ANO3: variants seen among roughly 807,000 people sequenced by gnomAD.
ANO3 encodes anoctamin-3.
ANO3 carries 99 observed loss-of-function variants against 144.8 expected under a neutral mutation model. The observed-to-expected ratio is 0.68, with a 90% CI of 0.58 to 0.81. ANO3 has a LOEUF of 0.81. Among genes scored for constraint, ANO3 ranks in the 30% least tolerant of loss-of-function variants. The pLI, the probability that ANO3 is intolerant of heterozygous loss-of-function variation, is 0.00. For synonymous variants in ANO3, 414 were observed against 392.6 expected, an observed-to-expected ratio of 1.05 and a Z score of -0.64; for missense variants, 905 against 1,202.2, an observed-to-expected ratio of 0.75 and a Z score of 3.66.
At chr11:26,538,468 T>TA (rs1360598651) in intron 10 of ANO3, among the ~76,000 whole-genome samples, 1 of 152,162 alleles carries the variant, frequency 6.6e-6, no homozygotes, top group Non-Finnish European at 1.5e-5. Flanking sequence ...GGGTAAATCT[T>TA]ATTATTCTTA....
chr11:26,629,932 A>C (rs1852722693), intron 18 of ANO3, among the ~76,000 whole-genome samples: 1 of 152,206 alleles, frequency 6.6e-6, no homozygotes, highest in African/African-American at 2.4e-5. Context: ...CACCAGGCCT[A>C]AATCTGCTAT....
intron 3 of ANO3, among the ~76,000 whole-genome samples, chr11:26,453,315 GTGC>G (rs1369791619): frequency 2.0e-5 from 3 of 151,174 alleles, no homozygotes; most frequent in Non-Finnish European, 4.5e-5. Flanking sequence ...ACCCATCAGT[GTGC>G]TGTATTCAGG....
chr11:26,293,398 C>T (rs1470474016), intron 1 of ANO3, among the ~76,000 whole-genome samples: 1 of 150,894 alleles, frequency 6.6e-6, no homozygotes, highest in Non-Finnish European at 1.5e-5. Context: ...CATTTTTTCT[C>T]CCAACTTACT....
chr11:26,235,909 A>G (rs1852511743), intron 1 of ANO3, among the ~76,000 whole-genome samples: 1 of 152,086 alleles, frequency 6.6e-6, no homozygotes, highest in African/African-American at 2.4e-5. Context: ...TTTCCCCTTG[A>G]TCTCACACAT....
At chr11:26,266,343 A>C (rs1452041467) in intron 1 of ANO3, among the ~76,000 whole-genome samples, 1 of 152,158 alleles carries the variant, frequency 6.6e-6, no homozygotes, top group African/African-American at 2.4e-5. Flanking sequence ...TTTATTGGGC[A>C]CCTATTATAT....
chr11:26,373,495 T>C (rs978780006), intron 1 of ANO3, among the ~76,000 whole-genome samples: 1 of 152,200 alleles, frequency 6.6e-6, no homozygotes. Context: ...TCAATTAAAC[T>C]GCTTTTCTTT....
chr11:26,340,925 C>T (rs1855340331), intron 1 of ANO3, among the ~76,000 whole-genome samples: 1 of 152,114 alleles, frequency 6.6e-6, no homozygotes, highest in Non-Finnish European at 1.5e-5. Flanking sequence ...AGTTATTAGA[C>T]TTGTAGGGGA....
Position 26,252,686 on chromosome 11 carries a change from A to G in ANO3, c.155-56959A>G, listed in dbSNP as rs547406377. ...CCCCAACATAAACTCCTACTTATACATATGAGTATGGACTGGACAGACCTA... is the reference window on the plus strand; with the variant it reads ...CCCCAACATAAACTCCTACTTATACGTATGAGTATGGACTGGACAGACCTA... On this transcript the variant is annotated intron_variant, in intron 1 of 27. Transcript: ENST00000672621. 4.6e-5 allele frequency among the ~76,000 whole-genome samples: 7 copies of G among 152,324 alleles called. 1 individual carries two copies. The highest frequency in any genetic ancestry group is 4.6e-4 in the Admixed American group (7 of 15,290).
intron 1 of ANO3, among the ~76,000 whole-genome samples, chr11:26,376,780 T>C (rs1856423853): frequency 6.6e-6 from 1 of 152,200 alleles, no homozygotes; most frequent in Non-Finnish European, 1.5e-5. Flanking sequence ...TGTACTTTAT[T>C]TAACTCCAAA....
Position 26,656,491 on chromosome 11 carries a change from A to C in ANO3, c.2763+10A>C. The stretch of plus-strand genomic sequence containing the variant: ...CATTATTGTGTTTGAGGTTAGTCAC[A>C]AGCTGAGATGAAAATTACTATAGAT... On this transcript the variant is annotated intron_variant, in intron 26 of 26. Transcript: ENST00000256737. 1 of 1,516,072 alleles carries C rather than the reference A, an allele frequency of 6.6e-7. No homozygotes were observed. The highest frequency in any genetic ancestry group is 9.2e-7 in the Non-Finnish European group (1 of 1,092,784). 93.9% of individuals were successfully genotyped at this position (1,516,072 alleles called of 1,614,324 possible). A position where few individuals can be genotyped will look rare whatever the true frequency, so the allele number is the denominator to read the frequency against.
chr11:26,405,966 T>C (rs1009097659), intron 1 of ANO3, among the ~76,000 whole-genome samples: 2 of 151,890 alleles, frequency 1.3e-5, no homozygotes. Flanking sequence ...TCCAGTGGTA[T>C]TTTTACATTT....
intron 1 of ANO3, among the ~76,000 whole-genome samples, chr11:26,265,269 T>C (rs1460393518): frequency 6.6e-5 from 10 of 152,196 alleles, no homozygotes; most frequent in Non-Finnish European, 1.3e-4. Flanking sequence ...TTCTTTGTCC[T>C]TCTTTAGCAG....
intron 1 of ANO3, among the ~76,000 whole-genome samples, chr11:26,246,102 G>T (rs1367118007): frequency 6.6e-6 from 1 of 152,118 alleles, no homozygotes; most frequent in Non-Finnish European, 1.5e-5. Context: ...GATTGGAGAG[G>T]GGGAAGGTAA....
At chr11:26,614,595 G>A (rs1852195222) in intron 17 of ANO3, among the ~76,000 whole-genome samples, 1 of 152,174 alleles carries the variant, frequency 6.6e-6, no homozygotes, top group Admixed American at 6.5e-5. Flanking sequence ...CAATGGAGTT[G>A]CACGGACCTC....
At chr11:26,551,236 G>T (rs1849923519) in intron 12 of ANO3, among the ~76,000 whole-genome samples, 1 of 151,852 alleles carries the variant, frequency 6.6e-6, no homozygotes, top group Non-Finnish European at 1.5e-5. Context: ...TCTTTAATTG[G>T]TAGTAATGAT....
rs569957455 is a variant in ANO3, at chr11:26,310,648, G to A, written c.-3+929G>A. Among the ~76,000 whole-genome samples, 4 of 152,244 alleles carry A rather than the reference G, an allele frequency of 2.6e-5. No individual in the cohort carries two copies. The South Asian group carries it at 8.3e-4, about 32-fold the overall frequency. ...TCTAGTCTGCACCCATGTGTGTGTT[G>A]TGTGAATATGTGTGTTTTGGAAATG... On this transcript the variant is annotated intron_variant, in intron 1 of 26. Transcript: ENST00000525139.
At chr11:26,555,429 A>C (rs1001569766) in intron 13 of ANO3, among the ~76,000 whole-genome samples, 1 of 152,200 alleles carries the variant, frequency 6.6e-6, no homozygotes, top group Non-Finnish European at 1.5e-5. Context: ...CATATGGCAG[A>C]GTGATAAAGT....
At chr11:26,370,875 A>G (rs1856233869) in intron 1 of ANO3, among the ~76,000 whole-genome samples, 1 of 152,216 alleles carries the variant, frequency 6.6e-6, no homozygotes. Flanking sequence ...TCTAAGCAGC[A>G]AATCATTCAA....
intron 1 of ANO3, among the ~76,000 whole-genome samples, chr11:26,234,996 A>G (rs934675247): frequency 1.2e-5 from 1 of 82,828 alleles, no homozygotes; most frequent in African/African-American, 3.3e-5. Context: ...AGAGAGAGAG[A>G]AAAGAAAGAG....
Sources: gnomAD v4.1 joint callset for allele counts (sites outside exome capture counted in the v4.1 genomes callset) on GRCh38, gnomAD v4.1.1 for gene constraint, MANE v1.5 for transcripts, NCBI Gene and HGNC (gene_info 2026-07-23, HGNC 2026-07-21) for gene names.